The following PCDH15 variants were observed in gnomAD, a reference collection of about 807,000 sequenced individuals.
PCDH15 encodes the protein protocadherin-15.
PCDH15 carries 129 observed loss-of-function variants against 178.5 expected under a neutral mutation model. That is an observed-to-expected ratio of 0.72 (90% CI 0.63 to 0.84). The LOEUF (loss-of-function observed/expected upper bound fraction) is 0.84, where lower values mean the gene tolerates loss of function less well. PCDH15 is among the 40% of genes least tolerant of loss of function. The pLI, the probability that PCDH15 is intolerant of heterozygous loss-of-function variation, is 0.00. For synonymous variants in PCDH15, 800 were observed against 732.0 expected (o/e 1.09, Z -1.50); for missense variants, 2,230 against 2,099.9 (o/e 1.06, Z -1.21).
At chr10:53,991,926 C>T (rs921068242) in intron 21 of PCDH15, among the ~76,000 whole-genome samples, 1 of 152,102 alleles carries the variant, frequency 6.6e-6, no homozygotes, top group Non-Finnish European at 1.5e-5. Flanking sequence ...GGAATAAAAG[C>T]AGGCTGCCCA....
chr10:55,383,171 G>A (rs1004929554), intron 2 of PCDH15, among the ~76,000 whole-genome samples: 3 of 152,074 alleles, frequency 2.0e-5, no homozygotes, highest in African/African-American at 7.2e-5. Flanking sequence ...GGAAGAAGGG[G>A]ATCTTTTCCT....
At chr10:54,172,226 T>C (rs941199186) in intron 13 of PCDH15, among the ~76,000 whole-genome samples, 2 of 152,100 alleles carry the variant, frequency 1.3e-5, no homozygotes, top group African/African-American at 4.8e-5. Context: ...GTCCTTGCCT[T>C]AAGTGATGAC....
chr10:55,107,509 T>C lies in PCDH15; in HGVS notation c.-80+59067A>G, dbSNP rs1446724741. Among the ~76,000 whole-genome samples, 5 of 123,854 alleles carry C rather than the reference T, an allele frequency of 4.0e-5. No individual in the cohort carries two copies. In the East Asian group the frequency reaches 9.8e-4, roughly 24 times the overall value. The allele number at this position is 123,854 out of a possible 152,430, so 81.3% of individuals were successfully genotyped here. A position where few individuals can be genotyped will look rare whatever the true frequency, so the allele number is the denominator to read the frequency against. On this transcript the variant is annotated intron_variant, in intron 2 of 5. Transcript: ENST00000458638. ...CTTTTTTTTTTTTTTTTTTTTTTTT[T>C]GAGATGGAGCCTCGCCCTGTTGCCC... is the stretch of plus-strand genomic sequence containing the variant.
At chr10:53,900,757 C>A (rs1283044213) in intron 26 of PCDH15, among the ~76,000 whole-genome samples, 1 of 152,134 alleles carries the variant, frequency 6.6e-6, no homozygotes, top group Non-Finnish European at 1.5e-5. Flanking sequence ...CCCAGGAGTA[C>A]AGGGCAAGCA....
At chr10:55,259,835 G>C (rs574910616) in intron 1 of PCDH15, among the ~76,000 whole-genome samples, 1 of 130,212 alleles carries the variant, frequency 7.7e-6, no homozygotes, top group East Asian at 2.5e-4. Flanking sequence ...CTGGGAGGCA[G>C]AGGTTGAGGT....
chr10:54,774,601 T>C (rs1216207448), intron 1 of PCDH15, among the ~76,000 whole-genome samples: 1 of 152,180 alleles, frequency 6.6e-6, no homozygotes, highest in Non-Finnish European at 1.5e-5. Flanking sequence ...TAAATAAAAC[T>C]TATGTTTTAA....
chr10:54,326,491 T>C (rs1311288451), intron 7 of PCDH15, among the ~76,000 whole-genome samples: 1 of 152,190 alleles, frequency 6.6e-6, no homozygotes, highest in Non-Finnish European at 1.5e-5. Context: ...TATAATACTG[T>C]AATAATGTCT....
At chr10:54,070,852 A>T (rs1236301472) in intron 17 of PCDH15, among the ~76,000 whole-genome samples, 2 of 152,070 alleles carry the variant, frequency 1.3e-5, no homozygotes, top group African/African-American at 4.8e-5. Context: ...TTGGCCTCTC[A>T]AAGTGCTGGG....
At chr10:54,427,348 G>C (rs1478563714) in intron 3 of PCDH15, among the ~76,000 whole-genome samples, 1 of 131,990 alleles carries the variant, frequency 7.6e-6, no homozygotes, top group Non-Finnish European at 1.5e-5. Flanking sequence ...GCATGATCTC[G>C]GCTCACTGCA....
intron 3 of PCDH15, among the ~76,000 whole-genome samples, chr10:54,478,735 G>A (rs2078463741): frequency 6.6e-6 from 1 of 151,968 alleles, no homozygotes. Flanking sequence ...AATTGTCATT[G>A]GTGGCCTCAT....
chr10:53,811,896 T>TAAAACTTGCA (rs1157181923), intron 35 of PCDH15, among the ~76,000 whole-genome samples: 2 of 152,226 alleles, frequency 1.3e-5, no homozygotes, highest in Non-Finnish European at 2.9e-5. Context: ...GCAAACCTGT[T>TAAAACTTGCA]AAAACTTGCA....
Position 53,806,271 on chromosome 10 carries a change from A to G in PCDH15, c.*308T>C, listed in dbSNP as rs1314888248. 8.2e-6 allele frequency: 2 copies of G among 243,672 alleles called. No individual in the cohort carries two copies. The highest frequency in any genetic ancestry group is 1.8e-4 in the East Asian group (2 of 11,280). 15.1% of individuals were successfully genotyped at this position (243,672 alleles called of 1,614,324 possible). On this transcript the variant is annotated 3_prime_UTR_variant, in exon 38 of 38. Transcript: ENST00000644397. ...AATCTATGTTAATCAATAAAATATA[A>G]ATGATTATTTAGTAATTATTTCTTG... is the stretch of plus-strand genomic sequence containing the variant.
At chr10:54,877,280 A>G (rs933302542) in intron 3 of PCDH15, among the ~76,000 whole-genome samples, 6 of 152,232 alleles carry the variant, frequency 3.9e-5, no homozygotes, top group African/African-American at 1.4e-4. Context: ...TTATTGCAAT[A>G]TTGACTTTAT....
intron 14 of PCDH15, among the ~76,000 whole-genome samples, chr10:54,134,404 C>T (rs1047494040): frequency 6.6e-6 from 1 of 151,998 alleles, no homozygotes; most frequent in Non-Finnish European, 1.5e-5. Flanking sequence ...GACATGGTCA[C>T]CAAAAATATT....
At chr10:55,093,082 TTA>T (rs1302045164) in intron 2 of PCDH15, among the ~76,000 whole-genome samples, 2 of 152,018 alleles carry the variant, frequency 1.3e-5, no homozygotes, top group African/African-American at 4.8e-5. Context: ...AAAATTTATT[TTA>T]GATTTCACAG....
chr10:53,855,924 A>ATGTG (rs1235176379), intron 28 of PCDH15, among the ~76,000 whole-genome samples: 4 of 140,954 alleles, frequency 2.8e-5, no homozygotes, highest in Non-Finnish European at 6.1e-5. Context: ...ATATATATGT[A>ATGTG]TGTGTGTGTG....
intron 2 of PCDH15, among the ~76,000 whole-genome samples, chr10:55,428,653 T>A (rs2132054146): frequency 6.6e-6 from 1 of 152,080 alleles, no homozygotes; most frequent in East Asian, 1.9e-4. Context: ...TTTTAGGGCT[T>A]ACTTTTTTAT....
intron 13 of PCDH15, among the ~76,000 whole-genome samples, chr10:54,169,432 C>T (rs1396203196): frequency 2.2e-5 from 3 of 138,266 alleles, no homozygotes; most frequent in South Asian, 2.3e-4. Context: ...CCTCTGAAAA[C>T]TCCCCAACTC....
In PCDH15 at chr10:53,918,119, G is replaced by A. The variant is rs186208470; in HGVS notation, c.3374-14749C>T. Among the ~76,000 whole-genome samples, 853 of 152,224 alleles carry A rather than the reference G, an allele frequency of 5.6e-3. 9 individuals carry two copies. The highest frequency in any genetic ancestry group is 0.019 in the African/African-American group (801 of 41,534). Reference sequence around the variant, plus strand: ...CATTCCTTTGTAGCAATGCAAGAATGGCCTAATACACAAACCAAATATGGT... The same window carrying A: ...CATTCCTTTGTAGCAATGCAAGAATAGCCTAATACACAAACCAAATATGGT... On this transcript the variant is annotated intron_variant, in intron 25 of 37. Transcript: ENST00000644397.
Sources: gnomAD v4.1 joint callset for allele counts (sites outside exome capture counted in the v4.1 genomes callset) on GRCh38, gnomAD v4.1.1 for gene constraint, MANE v1.5 for transcripts, NCBI Gene and HGNC (gene_info 2026-07-23, HGNC 2026-07-21) for gene names.